The following SH3GL3 variants were observed in gnomAD, a reference collection of about 807,000 sequenced individuals.
SH3GL3 encodes the protein endophilin-A3.
Under a neutral mutation model 47.7 loss-of-function variants are expected in SH3GL3, and 33 were observed. That is an observed-to-expected ratio of 0.69 (90% CI 0.52 to 0.92). The LOEUF (loss-of-function observed/expected upper bound fraction) is 0.92. Among genes scored for constraint, SH3GL3 ranks in the 40% least tolerant of loss-of-function variants. SH3GL3 has a pLI of 0.00. For synonymous variants in SH3GL3, 155 were observed against 148.8 expected, an observed-to-expected ratio of 1.04 and a Z score of -0.30; for missense variants, 363 against 417.8, an observed-to-expected ratio of 0.87 and a Z score of 1.14.
At chr15:83,547,259 A>G (rs1033198977) in intron 1 of SH3GL3, among the ~76,000 whole-genome samples, 3 of 152,176 alleles carry the variant, frequency 2.0e-5, no homozygotes, top group African/African-American at 7.2e-5. Context: ...CCCTTTGGCT[A>G]GGGCTAGTCT....
intron 2 of SH3GL3, among the ~76,000 whole-genome samples, chr15:83,560,708 C>T (rs978898406): frequency 3.9e-5 from 6 of 151,966 alleles, no homozygotes; most frequent in Non-Finnish European, 8.8e-5. Context: ...TAATACATGA[C>T]CAGAAGTTTT....
At chr15:83,507,098 C>T (rs1395221249) in intron 1 of SH3GL3, among the ~76,000 whole-genome samples, 2 of 151,804 alleles carry the variant, frequency 1.3e-5, no homozygotes, top group Non-Finnish European at 2.9e-5. Context: ...CTCTGCCTCC[C>T]GGGTTCATGC....
chr15:83,537,121 G>A (rs1030457539), intron 1 of SH3GL3, among the ~76,000 whole-genome samples: 3 of 152,152 alleles, frequency 2.0e-5, no homozygotes, highest in Non-Finnish European at 2.9e-5. Context: ...TGGCCAAGGG[G>A]GACTCAGGGA....
intron 1 of SH3GL3, among the ~76,000 whole-genome samples, chr15:83,525,902 C>A (rs1274613807): frequency 6.6e-6 from 1 of 152,116 alleles, no homozygotes; most frequent in Non-Finnish European, 1.5e-5. Context: ...TATGCTGATA[C>A]CGTGATGCTT....
chr15:83,524,670 C>T (rs969798843), intron 1 of SH3GL3, among the ~76,000 whole-genome samples: 50 of 152,030 alleles, frequency 3.3e-4, no homozygotes, highest in African/African-American at 1.2e-3. Context: ...CCTCACCCCG[C>T]AACACACCCT....
At chr15:83,611,049 T>C (rs138978666) in intron 8 of SH3GL3, among the ~76,000 whole-genome samples, 1 of 151,454 alleles carries the variant, frequency 6.6e-6, no homozygotes, top group South Asian at 2.1e-4. Context: ...TATATATATA[T>C]ATAGAGACAA....
chr15:83,576,464 G>T, intron 5 of SH3GL3, 119 bp from the exon 6 acceptor site: 2 of 846,750 alleles, frequency 2.4e-6, no homozygotes, highest in South Asian at 2.0e-5. Flanking sequence ...GTGTAAGGTG[G>T]GTTCCTGCCC....
chr15:83,450,652 A>C (rs1013207040), intron 1 of SH3GL3, among the ~76,000 whole-genome samples: 1 of 151,958 alleles, frequency 6.6e-6, no homozygotes, highest in African/African-American at 2.4e-5. Flanking sequence ...AAGTTAACAA[A>C]AAAATTTAAT....
At chr15:83,564,886 T>C (rs578244885) in intron 2 of SH3GL3, among the ~76,000 whole-genome samples, 2 of 152,294 alleles carry the variant, frequency 1.3e-5, no homozygotes, top group African/African-American at 4.8e-5. Context: ...AAATATTACC[T>C]TAATATTCAT....
chr15:83,536,405 C>CTTTTCTTTTCTT (rs1555491015), intron 1 of SH3GL3, among the ~76,000 whole-genome samples: 7 of 113,676 alleles, frequency 6.2e-5, no homozygotes, highest in African/African-American at 2.1e-4. Context: ...CTTTTCTTTT[C>CTTTTCTTTTCTT]TTTTTTTTTT....
chr15:83,558,395 A>T (rs1380991944), intron 1 of SH3GL3, among the ~76,000 whole-genome samples: 1 of 152,002 alleles, frequency 6.6e-6, no homozygotes, highest in Non-Finnish European at 1.5e-5. Flanking sequence ...TCACAGTTAA[A>T]CACAATTTAT....
the SH3GL3 span, among the ~76,000 whole-genome samples, chr15:83,630,529 G>A: frequency 3.3e-5 from 5 of 152,072 alleles, no homozygotes; most frequent in Non-Finnish European, 7.4e-5. Context: ...CCTGAGGGCT[G>A]GGGAGGCCTC....
At chr15:83,552,366 T>G (rs1444178179) in intron 1 of SH3GL3, among the ~76,000 whole-genome samples, 1 of 152,224 alleles carries the variant, frequency 6.6e-6, no homozygotes, top group Admixed American at 6.5e-5. Context: ...GTTGTTAAAT[T>G]TTTTGGTAAT....
rs1208875564 is a variant in SH3GL3, at chr15:83,515,761, T to C, written c.46-43492T>C. Among the ~76,000 whole-genome samples the C allele has an allele frequency of 3.9e-5, 6 of 152,316 alleles. No homozygotes were observed. In the East Asian group the frequency reaches 1.2e-3, roughly 29 times the overall value. The stretch of plus-strand genomic sequence containing the variant: ...TTAAATGCAAATAAAATTACAAACC[T>C]AATAAAATTCAAATTAACATCACTG... On this transcript the variant is annotated intron_variant, in intron 1 of 8. Transcript: ENST00000427482.
chr15:83,555,794 C>T (rs1467125244), intron 1 of SH3GL3, among the ~76,000 whole-genome samples: 1 of 152,242 alleles, frequency 6.6e-6, no homozygotes, highest in Non-Finnish European at 1.5e-5. Flanking sequence ...CAGCAGGAAC[C>T]AGACTGCTGG....
intron 1 of SH3GL3, among the ~76,000 whole-genome samples, chr15:83,476,740 T>C (rs1279792610): frequency 2.6e-5 from 4 of 152,158 alleles, no homozygotes; most frequent in East Asian, 3.8e-4. Flanking sequence ...AAGGGCAGAG[T>C]TGAGTAGTTG....
chr15:83,492,057 G>T (rs528037262), intron 1 of SH3GL3, among the ~76,000 whole-genome samples: 2 of 152,114 alleles, frequency 1.3e-5, no homozygotes, highest in Non-Finnish European at 2.9e-5. Flanking sequence ...GGCCTAGGCC[G>T]GCAGATCACG....
At chr15:83,506,963 A>AG (rs2042534605) in intron 1 of SH3GL3, among the ~76,000 whole-genome samples, 1 of 151,838 alleles carries the variant, frequency 6.6e-6, no homozygotes, top group African/African-American at 2.4e-5. Flanking sequence ...AAAAAAAAAA[A>AG]ATTTCCTGAT....
chr15:83,523,925 T>C (rs1395042132), intron 1 of SH3GL3, among the ~76,000 whole-genome samples: 3 of 136,948 alleles, frequency 2.2e-5, no homozygotes, highest in Non-Finnish European at 4.6e-5. Flanking sequence ...ATGGGGAAGA[T>C]CATATTTGGT....
Sources: gnomAD v4.1 joint callset for allele counts (sites outside exome capture counted in the v4.1 genomes callset) on GRCh38, gnomAD v4.1.1 for gene constraint, MANE v1.5 for transcripts, NCBI Gene and HGNC (gene_info 2026-07-23, HGNC 2026-07-21) for gene names.